CCSER1: variants seen among roughly 807,000 people sequenced by gnomAD.
CCSER1 encodes the protein serine-rich coiled-coil domain-containing protein 1.
Under a neutral mutation model 82.0 loss-of-function variants are expected in CCSER1, and 41 were observed. That is an observed-to-expected ratio of 0.50 (90% CI 0.39 to 0.65). CCSER1 has a LOEUF of 0.65. CCSER1 is among the 30% of genes least tolerant of loss of function. The probability of loss-of-function intolerance (pLI) is 0.00; values close to 1 mark genes in which losing one functional copy is unlikely to be tolerated. For synonymous variants in CCSER1, 414 were observed against 383.9 expected, an observed-to-expected ratio of 1.08 and a Z score of -0.92; for missense variants, 1,119 against 1,064.2, an observed-to-expected ratio of 1.05 and a Z score of -0.72.
chr4:91,148,984 C>T lies in CCSER1; in HGVS notation c.2217+62990C>T, dbSNP rs547402927. On this transcript the variant is annotated intron_variant, in intron 10 of 10. Coordinates refer to ENST00000509176, the MANE Select transcript of CCSER1 (RefSeq NM_001145065.2). ...CTTTATAGCAGCATGATTTATAATC[C>T]TTTGGGTATATACCCAGCAGTGGGA... is the stretch of plus-strand genomic sequence containing the variant. 1.8e-3 allele frequency among the ~76,000 whole-genome samples: 276 copies of T among 150,106 alleles called. 1 individual carries two copies. Among genetic ancestry groups the T allele is most frequent in the Non-Finnish European group, 2.6e-3 (177 of 67,600 alleles).
chr4:90,153,320 A>G (rs1422670021), intron 1 of CCSER1, among the ~76,000 whole-genome samples: 1 of 152,046 alleles, frequency 6.6e-6, no homozygotes, highest in African/African-American at 2.4e-5. Context: ...AGTCTTTGCT[A>G]TTGTGAATAG....
At chr4:90,612,772 T>C (rs988438543) in intron 5 of CCSER1, among the ~76,000 whole-genome samples, 2 of 152,052 alleles carry the variant, frequency 1.3e-5, no homozygotes, top group Admixed American at 6.6e-5. Flanking sequence ...GTGTGTGGAG[T>C]TATTCCTTTT....
intron 5 of CCSER1, among the ~76,000 whole-genome samples, chr4:90,584,460 C>T (rs1357330274): frequency 9.9e-5 from 15 of 152,170 alleles, no homozygotes; most frequent in Admixed American, 5.2e-4. Context: ...GTGAATTTCT[C>T]TTTAGAAACT....
chr4:91,411,287 A>G (rs1465196468), intron 10 of CCSER1, among the ~76,000 whole-genome samples: 1 of 151,356 alleles, frequency 6.6e-6, no homozygotes, highest in Non-Finnish European at 1.5e-5. Flanking sequence ...GTACTAGAAG[A>G]TTACTTAAGC....
intron 1 of CCSER1, among the ~76,000 whole-genome samples, chr4:90,218,224 A>T (rs1011967693): frequency 6.6e-6 from 1 of 152,214 alleles, no homozygotes; most frequent in African/African-American, 2.4e-5. Flanking sequence ...ATGCTGAATC[A>T]CATTTATTTA....
At chr4:90,810,547 G>C (rs1758121407) in intron 7 of CCSER1, among the ~76,000 whole-genome samples, 1 of 151,918 alleles carries the variant, frequency 6.6e-6, no homozygotes, top group Admixed American at 6.5e-5. Context: ...TACTCGGGAG[G>C]CTGAGGCAGG....
intron 7 of CCSER1, among the ~76,000 whole-genome samples, chr4:90,774,619 T>G (rs376752143): frequency 6.6e-6 from 1 of 152,148 alleles, no homozygotes; most frequent in Non-Finnish European, 1.5e-5. Context: ...AATCCCTTTT[T>G]GCTAGATTGT....
chr4:90,197,759 A>G (rs1428184127), intron 1 of CCSER1, among the ~76,000 whole-genome samples: 1 of 152,006 alleles, frequency 6.6e-6, no homozygotes, highest in Non-Finnish European at 1.5e-5. Flanking sequence ...GATAGAGAGT[A>G]GAAGGATGGG....
intron 10 of CCSER1, among the ~76,000 whole-genome samples, chr4:91,269,233 G>T (rs938966541): frequency 2.0e-5 from 3 of 152,104 alleles, no homozygotes; most frequent in African/African-American, 7.2e-5. Flanking sequence ...TGTTTAATTT[G>T]GATGTTTTAA....
intron 10 of CCSER1, among the ~76,000 whole-genome samples, chr4:91,226,076 A>G (rs185540161): frequency 1.2e-4 from 18 of 152,134 alleles, no homozygotes; most frequent in African/African-American, 4.1e-4. Flanking sequence ...ACATATGTAT[A>G]CAAGTGCGAT....
intron 6 of CCSER1, among the ~76,000 whole-genome samples, chr4:90,705,101 G>GT (rs1739056000): frequency 2.0e-5 from 3 of 151,996 alleles, no homozygotes; most frequent in Admixed American, 1.3e-4. Context: ...CATCTTTGTG[G>GT]TTTTATCTAG....
chr4:90,615,106 A>G (rs543476670), intron 5 of CCSER1, among the ~76,000 whole-genome samples: 7 of 152,338 alleles, frequency 4.6e-5, no homozygotes, highest in African/African-American at 1.4e-4. Flanking sequence ...ACAACATGGA[A>G]CACTGAATAT....
chr4:91,418,704 C>T (rs904845568), intron 10 of CCSER1, among the ~76,000 whole-genome samples: 1 of 151,902 alleles, frequency 6.6e-6, no homozygotes, highest in Non-Finnish European at 1.5e-5. Flanking sequence ...GAAACACCTC[C>T]CAAACTCATT....
At chr4:90,232,558 C>A (rs1425661537) in intron 1 of CCSER1, among the ~76,000 whole-genome samples, 1 of 149,012 alleles carries the variant, frequency 6.7e-6, no homozygotes, top group Non-Finnish European at 1.5e-5. Context: ...AGGACATAGG[C>A]ATGGGCAAGG....
rs116527012 is a variant in CCSER1 at position 91,284,435 on chromosome 4, G to T, written c.2217+198441G>T. On this transcript the variant is annotated intron_variant, in intron 10 of 10. Transcript: ENST00000509176. ...TAGAAAGCCCAGAGTTTACAACCTT[G>T]CTCAGCTGTGTTATAAATATATGCA... Among the ~76,000 whole-genome samples the T allele has an allele frequency of 4.8e-4, 73 of 152,104 alleles. 1 individual carries two copies. The highest frequency in any genetic ancestry group is 1.6e-3 in the Admixed American group (25 of 15,254).
intron 10 of CCSER1, among the ~76,000 whole-genome samples, chr4:91,107,585 T>C (rs771949156): frequency 1.3e-5 from 2 of 152,016 alleles, no homozygotes; most frequent in Non-Finnish European, 2.9e-5. Context: ...TGCATGATGG[T>C]AATTATGCTT....
intron 10 of CCSER1, among the ~76,000 whole-genome samples, chr4:91,462,033 A>C (rs1312705410): frequency 6.6e-6 from 1 of 152,200 alleles, no homozygotes; most frequent in Non-Finnish European, 1.5e-5. Context: ...GCTCACTCAA[A>C]CAAAAGTACA....
At chr4:90,427,948 T>C (rs930075252) in intron 4 of CCSER1, among the ~76,000 whole-genome samples, 2 of 151,860 alleles carry the variant, frequency 1.3e-5, no homozygotes, top group Admixed American at 1.3e-4. Flanking sequence ...CCTATGGTTT[T>C]GTTATATTAG....
chr4:90,834,665 A>G (rs1351931501), intron 8 of CCSER1, among the ~76,000 whole-genome samples: 1 of 152,160 alleles, frequency 6.6e-6, no homozygotes, highest in African/African-American at 2.4e-5. Context: ...ATCAATTTTC[A>G]AAAAAATACC....
Sources: allele counts gnomAD v4.1 joint callset (sites outside exome capture counted in the v4.1 genomes callset), GRCh38; gene constraint gnomAD v4.1.1; transcripts MANE v1.5; gene names NCBI Gene and HGNC (gene_info 2026-07-23, HGNC 2026-07-21).